Variants in SUCO observed in about 807,000 individuals in gnomAD.
The protein encoded by SUCO is SUN domain containing ossification factor, also known as SUN domain-containing ossification factor.
SUCO carries 57 observed loss-of-function variants against 148.1 expected under a neutral mutation model. The ratio of observed to expected loss-of-function variants is 0.38; its 90% CI spans 0.31 to 0.48. The LOEUF (loss-of-function observed/expected upper bound fraction) is 0.48, where lower values mean the gene tolerates loss of function less well. Ranked by LOEUF, SUCO falls within the 20% of genes least tolerant of loss-of-function variation. SUCO has a pLI of 0.96. For synonymous variants in SUCO, 470 were observed against 502.7 expected (o/e 0.93, Z 0.87); for missense variants, 1,331 against 1,468.2 (o/e 0.91, Z 1.53).
intron 1 of SUCO, among the ~76,000 whole-genome samples, chr1:172,534,836 C>T (rs964798): frequency 0.017 from 2,609 of 152,162 alleles, 70 homozygotes; most frequent in African/African-American, 0.059. Flanking sequence ...ATTTTCTTTC[C>T]TCTTTCTTCT....
intron 17 of SUCO, among the ~76,000 whole-genome samples, chr1:172,586,422 A>G (rs1275445362): frequency 2.6e-5 from 4 of 152,186 alleles, no homozygotes; most frequent in Admixed American, 2.0e-4. Context: ...TGAATCATGT[A>G]GGCCTTTCCC....
At chr1:172,599,479 G>A (rs1172673262) in intron 19 of SUCO, 4 of 735,538 alleles carry the variant, frequency 5.4e-6, no homozygotes, top group Non-Finnish European at 6.6e-6. Context: ...AAAATTCAGT[G>A]CTGCCTAAAA....
At chr1:172,608,872 G>A (rs1158733349) in intron 23 of SUCO, 70 bp downstream of exon 23, 3 of 1,075,096 alleles carry the variant, frequency 2.8e-6, no homozygotes, top group Non-Finnish European at 4.2e-6. Context: ...GAGGTTGAAA[G>A]GTTTAAGGTA....
intron 17 of SUCO, among the ~76,000 whole-genome samples, chr1:172,586,281 C>CT (rs550975396): frequency 2.8e-4 from 43 of 151,960 alleles, no homozygotes; most frequent in South Asian, 1.0e-3. Context: ...AAGGCCCCCC[C>CT]TTTTTTTTAT....
intron 17 of SUCO, 185 bp from the exon 18 acceptor site, chr1:172,588,575 C>G (rs1656396962): frequency 2.0e-6 from 2 of 984,932 alleles, no homozygotes; most frequent in Non-Finnish European, 2.4e-6. Flanking sequence ...TTTCTCTTAT[C>G]ATTTCTGAGC....
At chr1:172,536,247 C>T (rs1364755108) in intron 1 of SUCO, among the ~76,000 whole-genome samples, 1 of 150,054 alleles carries the variant, frequency 6.7e-6, no homozygotes, top group African/African-American at 2.5e-5. Flanking sequence ...GCAGCACAGG[C>T]TCCTGAGTAC....
At position 172,570,686 on chromosome 1, in the gene SUCO, A is replaced by G; in HGVS notation, c.1005A>G (p.Glu335=). 6.2e-7 allele frequency: 1 copy of G among 1,607,128 alleles called. No homozygotes were observed. Among genetic ancestry groups the G allele is most frequent in the Non-Finnish European group, 8.5e-7 (1 of 1,174,538 alleles). ...AGAGCACATCTGCTATTCTTATAGA[A>G]AATATGGATCTTTACATGTTGAATC... ...EAKSTSAILI[E]NMDLYMLNPC... The change falls in exon 9 of 24, where the codon GAA becomes GAG. Residue 335 remains glutamate, a synonymous_variant. Transcript: ENST00000263688.
intron 19 of SUCO, among the ~76,000 whole-genome samples, chr1:172,594,344 C>T (rs1257059437): frequency 6.6e-6 from 1 of 151,766 alleles, no homozygotes; most frequent in African/African-American, 2.4e-5. Flanking sequence ...TTTGCTCTTG[C>T]TTCTCTAGTT....
chr1:172,593,386 A>C (rs534680662), intron 19 of SUCO, among the ~76,000 whole-genome samples: 80 of 152,310 alleles, frequency 5.3e-4, no homozygotes, highest in African/African-American at 1.7e-3. Flanking sequence ...GTTTTTGTCC[A>C]TTCAGTATGA....
In SUCO at chr1:172,585,882, C is replaced by A; in HGVS notation, c.1592C>A (p.Ala531Asp). 1 of 1,607,740 alleles carries A rather than the reference C, an allele frequency of 6.2e-7. No individual in the cohort carries two copies. The highest frequency in any genetic ancestry group is 8.5e-7 in the Non-Finnish European group (1 of 1,176,684). ...GGAAATAAAAGTATATCTGAGAATG[C>A]CACTGCCACAGCTGCACCTAAAATG... The part of the protein sequence containing the change: ...TEGNKSISEN[A>D]TATAAPKMPE... Residue 531 changes from alanine to aspartate, a missense_variant, in exon 17 of 24, where the codon GCC (alanine) becomes GAC (aspartate). By Grantham distance (126) the Ala-to-Asp change is moderately radical. This residue lies in a region of SUCO where 992 missense variants were observed against 1,093.5 expected (regional missense o/e 0.91). Coordinates refer to ENST00000263688, the MANE Select transcript of SUCO (RefSeq NM_014283.5).
intron 1 of SUCO, chr1:172,544,295 C>G (rs1166956872): frequency 8.3e-6 from 2 of 240,620 alleles, no homozygotes; most frequent in African/African-American, 2.3e-5. Context: ...TCTGAAAAAG[C>G]TTTTCTAATT....
rs1558214745 is a variant in SUCO, at chr1:172,602,211, C to T, written c.3166C>T (p.Pro1056Ser). Residue 1056 changes from proline (P) to serine (S), a missense_variant, in exon 21 of 24, where the codon CCT becomes TCT. Pro to Ser is a moderately conservative substitution (Grantham distance 74, BLOSUM62 -1). This residue lies in a region of SUCO where 334 missense variants were observed against 352.3 expected (regional missense o/e 0.95). Coordinates refer to ENST00000263688, the MANE Select transcript of SUCO (RefSeq NM_014283.5). Reference protein sequence around the residue: ...KLPKSNQYPSPKRCFSSYDDM... With the variant: ...KLPKSNQYPSSKRCFSSYDDM... ...TCCTAAAAGTAATCAGTATCCAAGCCCTAAAAGGTAATATCAGCATTATAT... is the reference window on the plus strand; with the variant it reads ...TCCTAAAAGTAATCAGTATCCAAGCTCTAAAAGGTAATATCAGCATTATAT... The T allele has an allele frequency of 2.5e-6, 4 of 1,603,578 alleles. No individual in the cohort carries two copies. The highest frequency in any genetic ancestry group is 1.3e-5 in the African/African-American group (1 of 74,428).
At chr1:172,564,123 C>CCAGG (rs1654385108) in intron 6 of SUCO, among the ~76,000 whole-genome samples, 1 of 152,348 alleles carries the variant, frequency 6.6e-6, no homozygotes, top group African/African-American at 2.4e-5. Context: ...GTCTGGATGT[C>CCAGG]CAGGCAGAAG....
intron 11 of SUCO, 68 bp downstream of exon 11, chr1:172,575,691 C>T (rs949128162): frequency 9.5e-7 from 1 of 1,049,458 alleles, no homozygotes. Flanking sequence ...CTTTATACAC[C>T]TCATCTTTTT....
At chr1:172,599,653 CA>C (rs1239603033) in intron 19 of SUCO, among the ~76,000 whole-genome samples, 1 of 151,994 alleles carries the variant, frequency 6.6e-6, no homozygotes, top group African/African-American at 2.4e-5. Flanking sequence ...ACTTTATAAC[CA>C]AAAAAATTCT....
chr1:172,587,077 A>T (rs1656295083), intron 17 of SUCO, among the ~76,000 whole-genome samples: 1 of 145,264 alleles, frequency 6.9e-6, no homozygotes, highest in South Asian at 2.3e-4. Context: ...TTTTTTATAT[A>T]TATATGTACA....
chr1:172,580,353 A>G (rs1251650108), intron 15 of SUCO, among the ~76,000 whole-genome samples: 1 of 152,148 alleles, frequency 6.6e-6, no homozygotes, highest in Non-Finnish European at 1.5e-5. Flanking sequence ...TCAGTTCAGT[A>G]TATTTTGTTT....
In SUCO at chr1:172,575,543, C is replaced by T. The variant is rs754015645; in HGVS notation, c.1183C>T (p.Leu395=). 5.6e-6 allele frequency: 9 copies of T among 1,611,434 alleles called. No homozygotes were observed. Among genetic ancestry groups the T allele is most frequent in the Non-Finnish European group, 4.2e-6 (5 of 1,178,350 alleles). ...ATATCCAACAAATAAGTGGATTAAG[C>T]TGGGTACTTTTCATGGTAGAGATGA... ...DRYPTNKWIK[L]GTFHGRDERN... The change falls in exon 11 of 24, where the codon CTG becomes TTG. Residue 395 remains leucine (L), a synonymous_variant. Transcript: ENST00000263688.
At chr1:172,549,920 C>G (rs1653161463) in intron 1 of SUCO, among the ~76,000 whole-genome samples, 1 of 150,858 alleles carries the variant, frequency 6.6e-6, no homozygotes, top group South Asian at 2.1e-4. Flanking sequence ...AATACAGTTT[C>G]TAAAATGAAA....
Sources: gnomAD v4.1 joint callset for allele counts (sites outside exome capture counted in the v4.1 genomes callset) on GRCh38, gnomAD v4.1.1 for gene constraint, gnomAD v4.1.1 regional missense constraint, MANE v1.5 for transcripts, NCBI Gene and HGNC (gene_info 2026-07-23, HGNC 2026-07-21) for gene names.